NAALADL2: variants seen among roughly 807,000 people sequenced by gnomAD.
NAALADL2 encodes the protein N-acetylated alpha-linked acidic dipeptidase like 2.
In NAALADL2, 76 loss-of-function variants were observed where a neutral mutation model predicts 87.2. That is an observed-to-expected ratio of 0.87 (90% confidence interval 0.72 to 1.05). The LOEUF (loss-of-function observed/expected upper bound fraction) is 1.05. Ranked by LOEUF, NAALADL2 falls within the 50% of genes least tolerant of loss-of-function variation. The probability of loss-of-function intolerance (pLI) is 0.00; values close to 1 mark genes in which losing one functional copy is unlikely to be tolerated. For synonymous variants in NAALADL2, 354 were observed against 331.0 expected, an observed-to-expected ratio of 1.07 and a Z score of -0.75; for missense variants, 1,089 against 945.8, an observed-to-expected ratio of 1.15 and a Z score of -1.99.
At chr3:175,069,740 T>C (rs1408504001) in intron 1 of NAALADL2, among the ~76,000 whole-genome samples, 4 of 151,972 alleles carry the variant, frequency 2.6e-5, no homozygotes, top group African/African-American at 9.7e-5. Context: ...CTATTCACAA[T>C]AGCAAAGACT....
intron 1 of NAALADL2, among the ~76,000 whole-genome samples, chr3:175,047,315 A>G (rs1754804295): frequency 6.6e-6 from 1 of 152,188 alleles, no homozygotes; most frequent in Non-Finnish European, 1.5e-5. Flanking sequence ...CTTTGCGAAA[A>G]TGACAAAAAA....
At chr3:175,639,852 T>A (rs1319631161) in intron 11 of NAALADL2, among the ~76,000 whole-genome samples, 1 of 152,102 alleles carries the variant, frequency 6.6e-6, no homozygotes, top group Non-Finnish European at 1.5e-5. Flanking sequence ...GACCAAGAAA[T>A]TATAGTTCAT....
intron 2 of NAALADL2, among the ~76,000 whole-genome samples, chr3:175,171,899 C>G (rs1373180116): frequency 6.6e-6 from 1 of 151,962 alleles, no homozygotes; most frequent in Non-Finnish European, 1.5e-5. Flanking sequence ...TTACCAAAAG[C>G]TAGGAAGGTT....
At chr3:175,702,222 G>A (rs1343120047) in intron 11 of NAALADL2, among the ~76,000 whole-genome samples, 1 of 152,036 alleles carries the variant, frequency 6.6e-6, no homozygotes, top group Admixed American at 6.6e-5. Flanking sequence ...CCAAAGATTT[G>A]TTGTTCTCTC....
intron 11 of NAALADL2, among the ~76,000 whole-genome samples, chr3:175,628,487 A>C (rs1314315240): frequency 6.6e-6 from 1 of 151,180 alleles, no homozygotes; most frequent in Non-Finnish European, 1.5e-5. Flanking sequence ...TGTTCCTGAC[A>C]TCACATGGCA....
chr3:174,858,057 A>G (rs932157193), upstream of NAALADL2, among the ~76,000 whole-genome samples: 1 of 150,634 alleles, frequency 6.6e-6, no homozygotes, highest in Non-Finnish European at 1.5e-5. Flanking sequence ...AGCTTCATAT[A>G]CATATATATG....
intron 3 of NAALADL2, among the ~76,000 whole-genome samples, chr3:174,800,999 A>C (rs1718762302): frequency 2.0e-5 from 3 of 152,170 alleles, no homozygotes; most frequent in Admixed American, 1.3e-4. Context: ...GGAAGTAACT[A>C]ACTTGCTTTT....
intron 2 of NAALADL2, among the ~76,000 whole-genome samples, chr3:175,197,371 C>T (rs575919778): frequency 4.9e-4 from 74 of 151,990 alleles, no homozygotes; most frequent in African/African-American, 1.6e-3. Flanking sequence ...ACTATATCTA[C>T]GTATATTTTA....
intron 1 of NAALADL2, among the ~76,000 whole-genome samples, chr3:174,863,110 G>GT (rs1478089272): frequency 6.6e-6 from 1 of 152,102 alleles, no homozygotes; most frequent in Non-Finnish European, 1.5e-5. Flanking sequence ...CAAGTCCAAT[G>GT]TTTTTACTTT....
intron 10 of NAALADL2, among the ~76,000 whole-genome samples, chr3:175,581,504 T>C (rs1375328764): frequency 6.6e-6 from 1 of 152,206 alleles, no homozygotes; most frequent in Non-Finnish European, 1.5e-5. Flanking sequence ...TGTTCCTGCA[T>C]TATCTTTTGT....
intron 2 of NAALADL2, among the ~76,000 whole-genome samples, chr3:175,113,995 T>C (rs542690589): frequency 1.3e-5 from 2 of 151,796 alleles, no homozygotes; most frequent in African/African-American, 4.8e-5. Flanking sequence ...AATCAAGTGT[T>C]ACTTTGTCTC....
At chr3:175,091,843 C>T (rs1720193059) in intron 1 of NAALADL2, among the ~76,000 whole-genome samples, 1 of 151,902 alleles carries the variant, frequency 6.6e-6, no homozygotes, top group African/African-American at 2.4e-5. Flanking sequence ...TATATCTGAA[C>T]CATAGCTAAT....
intron 5 of NAALADL2, among the ~76,000 whole-genome samples, chr3:175,427,841 T>G (rs958205068): frequency 3.9e-5 from 6 of 152,142 alleles, no homozygotes; most frequent in Non-Finnish European, 8.8e-5. Flanking sequence ...TTGCTTAAGG[T>G]TCTTCATGCT....
Position 175,667,233 on chromosome 3 carries a change from A to AAGAAAG in NAALADL2, c.1896+39849_1896+39854dup, listed in dbSNP as rs1553945342. Among the ~76,000 whole-genome samples the AAGAAAG allele has an allele frequency of 3.3e-3, 359 of 110,234 alleles. 4 individuals are homozygous for AAGAAAG. Among genetic ancestry groups the AAGAAAG allele is most frequent in the Non-Finnish European group, 4.3e-3 (245 of 57,538 alleles). 72.3% of individuals were successfully genotyped at this position (110,234 alleles called of 152,430 possible). Reference sequence around the variant, plus strand: ...AAAGAAAGAAAGAAAGAAAGAAAGAAAGAAAGAAAAAGAAAGAAAGAAAGA... The same window carrying AAGAAAG: ...AAAGAAAGAAAGAAAGAAAGAAAGAAAGAAAGAGAAAGAAAAAGAAAGAAAGAAAGA... On this transcript the variant is annotated intron_variant, in intron 11 of 13. Transcript: ENST00000454872.
chr3:175,015,465 CTT>C (rs939305777), intron 1 of NAALADL2, among the ~76,000 whole-genome samples: 7 of 151,884 alleles, frequency 4.6e-5, no homozygotes, highest in African/African-American at 1.7e-4. Context: ...TTAGGACTGA[CTT>C]TTTTTTATCT....
At chr3:175,314,396 C>T (rs952657530) in intron 4 of NAALADL2, among the ~76,000 whole-genome samples, 2 of 151,060 alleles carry the variant, frequency 1.3e-5, no homozygotes, top group South Asian at 4.2e-4. Context: ...CCACCACACT[C>T]TTCATCTCTA....
intron 1 of NAALADL2, among the ~76,000 whole-genome samples, chr3:174,972,786 AG>A (rs1743862769): frequency 6.6e-6 from 1 of 152,182 alleles, no homozygotes; most frequent in East Asian, 1.9e-4. Flanking sequence ...ACCTGAGGTC[AG>A]GAGTTCGAGA....
At chr3:175,489,330 T>A (rs1727733336) in intron 9 of NAALADL2, among the ~76,000 whole-genome samples, 1 of 152,170 alleles carries the variant, frequency 6.6e-6, no homozygotes, top group Admixed American at 6.5e-5. Flanking sequence ...TTGCATGGAT[T>A]GATTAATTAA....
chr3:175,725,912 G>A (rs1401643940), intron 11 of NAALADL2, among the ~76,000 whole-genome samples: 1 of 152,120 alleles, frequency 6.6e-6, no homozygotes, highest in Non-Finnish European at 1.5e-5. Flanking sequence ...TCATGTTAAA[G>A]ATAGTTATTA....
Sources: allele counts gnomAD v4.1 joint callset (sites outside exome capture counted in the v4.1 genomes callset), GRCh38; gene constraint gnomAD v4.1.1; transcripts MANE v1.5; gene names NCBI Gene and HGNC (gene_info 2026-07-23, HGNC 2026-07-21).